The following PARP8 variants were observed in gnomAD, a reference collection of about 807,000 sequenced individuals.
PARP8 encodes poly(ADP-ribose) polymerase family member 8, also known as protein mono-ADP-ribosyltransferase PARP8.
Under a neutral mutation model 124.1 loss-of-function variants are expected in PARP8, and 51 were observed. That is an observed-to-expected ratio of 0.41 (90% confidence interval 0.33 to 0.52). The LOEUF (loss-of-function observed/expected upper bound fraction) is 0.52, where lower values mean the gene tolerates loss of function less well. Among genes scored for constraint, PARP8 ranks in the 20% least tolerant of loss-of-function variants. The probability of loss-of-function intolerance (pLI) is 0.21; values close to 1 mark genes in which losing one functional copy is unlikely to be tolerated. For synonymous variants in PARP8, 391 were observed against 361.5 expected (o/e 1.08, Z -0.93); for missense variants, 860 against 1,018.9 (o/e 0.84, Z 2.12).
chr5:50,767,508 C>G (rs993712745), intron 7 of PARP8, among the ~76,000 whole-genome samples: 10 of 152,280 alleles, frequency 6.6e-5, no homozygotes, highest in African/African-American at 2.4e-4. Flanking sequence ...AGACACTAAC[C>G]ACTACTCCCA....
intron 2 of PARP8, among the ~76,000 whole-genome samples, chr5:50,707,717 T>C (rs1263259076): frequency 6.6e-6 from 1 of 151,884 alleles, no homozygotes; most frequent in Non-Finnish European, 1.5e-5. Context: ...GATCTCCTCT[T>C]GTTTTCTTTG....
At chr5:50,682,260 G>A (rs1243639356) in intron 2 of PARP8, among the ~76,000 whole-genome samples, 3 of 152,092 alleles carry the variant, frequency 2.0e-5, no homozygotes, top group South Asian at 2.1e-4. Context: ...AGCAAAAAGC[G>A]TGAATCAATA....
At chr5:50,726,985 C>G (rs1188370093) in intron 2 of PARP8, among the ~76,000 whole-genome samples, 1 of 152,072 alleles carries the variant, frequency 6.6e-6, no homozygotes, top group African/African-American at 2.4e-5. Context: ...ACTAGGCCAT[C>G]TCATGCTATC....
At chr5:50,741,814 CTTTTT>C in intron 2 of PARP8, 1 of 395,058 alleles carries the variant, frequency 2.5e-6, no homozygotes, top group Non-Finnish European at 4.9e-6. Flanking sequence ...TTCTTTTCTT[CTTTTT>C]TTTTTTTTTA....
At chr5:50,817,557 A>G (rs1407930055) in intron 15 of PARP8, among the ~76,000 whole-genome samples, 2 of 152,210 alleles carry the variant, frequency 1.3e-5, no homozygotes, top group East Asian at 1.9e-4. Context: ...GCCTGGAGCA[A>G]CAGTGTCCTG....
In PARP8 at chr5:50,844,228, A is replaced by G. The variant is rs1748444400; in HGVS notation, c.*2160A>G. On this transcript the variant is annotated 3_prime_UTR_variant, in exon 26 of 26. Transcript: ENST00000281631. ...TTAATGCTAGGCATCTTTTATGATA[A>G]TAAAGTAAGATGTCTTCTTATGACA... 1 of 151,874 alleles carries G rather than the reference A, an allele frequency of 6.6e-6. No individual in the cohort carries two copies. 9.4% of individuals were successfully genotyped at this position (151,874 alleles called of 1,614,324 possible).
At chr5:50,754,150 T>TAC (rs1253764538) in intron 3 of PARP8, among the ~76,000 whole-genome samples, 3,977 of 36,272 alleles carry the variant, frequency 0.11, 203 homozygotes, top group Non-Finnish European at 0.13. Flanking sequence ...TATATATATA[T>TAC]ACACACACAC....
intron 7 of PARP8, among the ~76,000 whole-genome samples, chr5:50,765,955 CA>C (rs1355962660): frequency 1.3e-5 from 2 of 152,000 alleles, no homozygotes; most frequent in Non-Finnish European, 2.9e-5. Context: ...AAAAGTAACT[CA>C]ATATGCACAA....
chr5:50,746,053 T>G (rs1015616226), intron 2 of PARP8, among the ~76,000 whole-genome samples: 1 of 152,222 alleles, frequency 6.6e-6, no homozygotes, highest in Non-Finnish European at 1.5e-5. Flanking sequence ...TTCACTGATA[T>G]GTGCTCATAT....
chr5:50,702,783 A>G (rs1363425101), intron 2 of PARP8, among the ~76,000 whole-genome samples: 1 of 152,212 alleles, frequency 6.6e-6, no homozygotes, highest in Non-Finnish European at 1.5e-5. Flanking sequence ...TACTTAGTGC[A>G]AAAACAACCA....
chr5:50,829,864 T>C (rs746157252), intron 21 of PARP8, 28 bp from the exon 22 acceptor site: 1 of 1,579,052 alleles, frequency 6.3e-7, no homozygotes, highest in South Asian at 1.2e-5. Flanking sequence ...AACAGACCTC[T>C]CTCTCTCTCC....
chr5:50,770,874 G>T (rs1338858655), intron 7 of PARP8, among the ~76,000 whole-genome samples: 1 of 151,824 alleles, frequency 6.6e-6, no homozygotes, highest in Non-Finnish European at 1.5e-5. Context: ...TCATTTGCTT[G>T]GCCCTTATTC....
At chr5:50,827,864 C>A (rs919503196) in intron 19 of PARP8, 80 bp from the exon 20 acceptor site, 1 of 1,034,810 alleles carries the variant, frequency 9.7e-7, no homozygotes, top group East Asian at 2.4e-5. Context: ...ATTCTTAAAC[C>A]AATAAAATTT....
intron 7 of PARP8, among the ~76,000 whole-genome samples, chr5:50,770,964 C>G (rs1302380133): frequency 2.0e-5 from 3 of 151,978 alleles, no homozygotes; most frequent in African/African-American, 7.2e-5. Flanking sequence ...TCATGTAGTA[C>G]AGACATTATA....
At chr5:50,693,655 T>A (rs1302080695) in intron 2 of PARP8, among the ~76,000 whole-genome samples, 1 of 151,544 alleles carries the variant, frequency 6.6e-6, no homozygotes, top group Admixed American at 6.6e-5. Flanking sequence ...ATTATATAAT[T>A]AAGTCACAGA....
chr5:50,778,965 A>G (rs935937416), intron 9 of PARP8, among the ~76,000 whole-genome samples: 20 of 152,158 alleles, frequency 1.3e-4, no homozygotes, highest in African/African-American at 4.8e-4. Flanking sequence ...TTCCTTAGAT[A>G]TAATTATTTC....
chr5:50,827,791 A>G (rs1746509799), intron 19 of PARP8, among the ~76,000 whole-genome samples, 153 bp from the exon 20 acceptor site: 1 of 152,196 alleles, frequency 6.6e-6, no homozygotes, highest in Non-Finnish European at 1.5e-5. Flanking sequence ...AGTTTTAAAA[A>G]CATTATACAA....
chr5:50,786,771 T>C (rs1353824900), intron 9 of PARP8, among the ~76,000 whole-genome samples: 1 of 152,130 alleles, frequency 6.6e-6, no homozygotes, highest in Non-Finnish European at 1.5e-5. Flanking sequence ...GCTCGGGGCC[T>C]AATCCTCACA....
At chr5:50,693,807 A>G (rs1381354086) in intron 2 of PARP8, among the ~76,000 whole-genome samples, 1 of 151,464 alleles carries the variant, frequency 6.6e-6, no homozygotes, top group South Asian at 2.1e-4. Context: ...GATTAATTGT[A>G]TGATTAAATT....
Sources: gnomAD v4.1 joint callset for allele counts (sites outside exome capture counted in the v4.1 genomes callset) on GRCh38, gnomAD v4.1.1 for gene constraint, MANE v1.5 for transcripts, NCBI Gene and HGNC (gene_info 2026-07-23, HGNC 2026-07-21) for gene names.